Variants in CDH11 observed in about 807,000 individuals in gnomAD.
CDH11 encodes the protein cadherin 11, also known as cadherin-11.
A neutral mutation model predicts 67.8 loss-of-function variants in CDH11; 11 were observed. That is an observed-to-expected ratio of 0.16 (90% confidence interval 0.10 to 0.27). CDH11 has a LOEUF of 0.27. Ranked by LOEUF, CDH11 falls within the 10% of genes least tolerant of loss-of-function variation. The probability of loss-of-function intolerance (pLI) is 1.00; values close to 1 mark genes in which losing one functional copy is unlikely to be tolerated. For missense variants in CDH11, 847 were observed against 1,031.2 expected, an observed-to-expected ratio of 0.82 and a Z score of 2.45; for synonymous variants, 419 against 400.0, an observed-to-expected ratio of 1.05 and a Z score of -0.57.
At chr16:64,983,462 A>G (rs954253552) in intron 7 of CDH11, among the ~76,000 whole-genome samples, 3 of 152,322 alleles carry the variant, frequency 2.0e-5, no homozygotes. Context: ...TAAGGCGAGC[A>G]TCTGCCTGCC....
chr16:65,092,771 G>C (rs890386477), intron 1 of CDH11, among the ~76,000 whole-genome samples: 1 of 146,534 alleles, frequency 6.8e-6, no homozygotes, highest in African/African-American at 2.6e-5. Flanking sequence ...TCCTCATCTT[G>C]AGGGACATTT....
intron 1 of CDH11, among the ~76,000 whole-genome samples, chr16:65,115,533 G>A (rs2075228348): frequency 6.6e-6 from 1 of 151,986 alleles, no homozygotes; most frequent in South Asian, 2.1e-4. Flanking sequence ...GCTAGGCCTT[G>A]CACTAAATTC....
chr16:65,005,244 T>C (rs2073024584), intron 2 of CDH11, among the ~76,000 whole-genome samples: 1 of 152,200 alleles, frequency 6.6e-6, no homozygotes, highest in African/African-American at 2.4e-5. Context: ...GTCACTGGGA[T>C]TCACTGAGTA....
At chr16:65,062,709 A>G (rs1011817932) in intron 1 of CDH11, among the ~76,000 whole-genome samples, 1 of 152,238 alleles carries the variant, frequency 6.6e-6, no homozygotes, top group African/African-American at 2.4e-5. Context: ...AGAAGCATAT[A>G]TGTTTCCTTG....
intron 2 of CDH11, among the ~76,000 whole-genome samples, chr16:65,033,405 A>G (rs2073685810): frequency 6.6e-6 from 1 of 152,048 alleles, no homozygotes; most frequent in Non-Finnish European, 1.5e-5. Context: ...AGCTACATTC[A>G]TTTTCCCCCT....
chr16:65,081,384 T>G (rs574197667), intron 1 of CDH11, among the ~76,000 whole-genome samples: 1 of 151,958 alleles, frequency 6.6e-6, no homozygotes, highest in African/African-American at 2.4e-5. Context: ...CTGGCTAACA[T>G]GGTGAAACTC....
At chr16:65,120,351 C>G (rs2075304570) in intron 1 of CDH11, among the ~76,000 whole-genome samples, 1 of 152,186 alleles carries the variant, frequency 6.6e-6, no homozygotes, top group African/African-American at 2.4e-5. Flanking sequence ...AAACCATCGA[C>G]GTCTGCTGCA....
chr16:64,963,862 A>G (rs764415997), intron 11 of CDH11, among the ~76,000 whole-genome samples: 13 of 152,214 alleles, frequency 8.5e-5, no homozygotes, highest in Non-Finnish European at 1.9e-4. Context: ...TACCAGAATT[A>G]TCCTTTAAAA....
intron 1 of CDH11, among the ~76,000 whole-genome samples, chr16:65,065,579 C>T (rs2074300048): frequency 6.6e-6 from 1 of 152,118 alleles, no homozygotes; most frequent in Non-Finnish European, 1.5e-5. Context: ...TACTATTTAT[C>T]CCATTGGTTC....
At chr16:65,073,780 C>G (rs1347568799) in intron 1 of CDH11, among the ~76,000 whole-genome samples, 1 of 152,134 alleles carries the variant, frequency 6.6e-6, no homozygotes, top group Non-Finnish European at 1.5e-5. Context: ...AATGCAGACT[C>G]TGCTCCAGCA....
chr16:64,971,140 A>T (rs2071992824), intron 11 of CDH11, among the ~76,000 whole-genome samples: 1 of 152,232 alleles, frequency 6.6e-6, no homozygotes, highest in Non-Finnish European at 1.5e-5. Flanking sequence ...CTCTGTACCC[A>T]GCCACACTGC....
intron 6 of CDH11, chr16:64,991,458 G>A: frequency 3.5e-6 from 1 of 283,762 alleles, no homozygotes; most frequent in Non-Finnish European, 6.8e-6. Flanking sequence ...GGACACTGAG[G>A]CAGAAAAGGG....
chr16:65,011,046 T>C (rs902337293), intron 2 of CDH11, among the ~76,000 whole-genome samples: 6 of 148,110 alleles, frequency 4.1e-5, no homozygotes, highest in African/African-American at 1.5e-4. Flanking sequence ...TGTATATGTA[T>C]ATATGTATAT....
At chr16:64,988,693 T>G (rs146206794) in intron 6 of CDH11, among the ~76,000 whole-genome samples, 2 of 152,328 alleles carry the variant, frequency 1.3e-5, no homozygotes, top group Non-Finnish European at 2.9e-5. Context: ...CTTCTTTTCA[T>G]GTCTTCAGGA....
chr16:65,114,968 A>C (rs2075217771), intron 1 of CDH11, among the ~76,000 whole-genome samples: 1 of 152,136 alleles, frequency 6.6e-6, no homozygotes, highest in South Asian at 2.1e-4. Context: ...ACAATCCCAA[A>C]CTACATTTAC....
chr16:64,966,697 A>G (rs1054582286), intron 11 of CDH11, among the ~76,000 whole-genome samples: 5 of 68,202 alleles, frequency 7.3e-5, no homozygotes, highest in African/African-American at 1.5e-4. Flanking sequence ...GTTAATGTTG[A>G]TATCAATTTT....
intron 1 of CDH11, among the ~76,000 whole-genome samples, chr16:65,098,893 A>T (rs1267343874): frequency 6.6e-6 from 1 of 152,180 alleles, no homozygotes; most frequent in Non-Finnish European, 1.5e-5. Context: ...TTTTCTAAAT[A>T]TCAGCACCTA....
At chr16:65,090,327 T>C (rs2074772943) in intron 1 of CDH11, among the ~76,000 whole-genome samples, 1 of 152,136 alleles carries the variant, frequency 6.6e-6, no homozygotes, top group Admixed American at 6.6e-5. Flanking sequence ...CAACTAACAA[T>C]ATTGTGTCTC....
chr16:64,989,203 G>A (rs748106302), intron 6 of CDH11, among the ~76,000 whole-genome samples: 1 of 152,082 alleles, frequency 6.6e-6, no homozygotes, highest in Non-Finnish European at 1.5e-5. Context: ...GGTTGTGGGT[G>A]TGTAAGTGCA....
Sources: gnomAD v4.1 joint callset for allele counts (sites outside exome capture counted in the v4.1 genomes callset) on GRCh38, gnomAD v4.1.1 for gene constraint, MANE v1.5 for transcripts, NCBI Gene and HGNC (gene_info 2026-07-23, HGNC 2026-07-21) for gene names.